Variants in NCAM2 observed in about 807,000 individuals in gnomAD.
NCAM2 encodes neural cell adhesion molecule 2.
NCAM2 carries 30 observed loss-of-function variants against 98.1 expected under a neutral mutation model. That is an observed-to-expected ratio of 0.31 (90% CI 0.23 to 0.41). The LOEUF is 0.41. NCAM2 is among the 10% of genes least tolerant of loss of function. NCAM2 has a pLI of 1.00. For missense variants in NCAM2, 867 were observed against 1,005.8 expected (o/e 0.86, Z 1.87); for synonymous variants, 368 against 342.4 (o/e 1.07, Z -0.83).
At chr21:21,508,749 A>T in intron 15 of NCAM2, 102 bp from the exon 16 acceptor site, 1 of 872,706 alleles carries the variant, frequency 1.1e-6, no homozygotes, top group Non-Finnish European at 1.6e-6. Flanking sequence ...ATTGGAAAAG[A>T]TTTATTTTTA....
chr21:21,114,193 A>G (rs2066508532), intron 1 of NCAM2, among the ~76,000 whole-genome samples: 1 of 152,190 alleles, frequency 6.6e-6, no homozygotes. Context: ...ATATCCTGAT[A>G]TATCACACAA....
intron 9 of NCAM2, among the ~76,000 whole-genome samples, chr21:21,384,331 C>T (rs2076218232): frequency 6.6e-6 from 1 of 151,414 alleles, no homozygotes; most frequent in African/African-American, 2.4e-5. Flanking sequence ...CTAACCTATG[C>T]TTGATGAATG....
chr21:21,483,796 T>C (rs1986107442), intron 15 of NCAM2, among the ~76,000 whole-genome samples: 1 of 152,084 alleles, frequency 6.6e-6, no homozygotes, highest in South Asian at 2.1e-4. Flanking sequence ...AATCTTTGGT[T>C]CCTAAAATTG....
At chr21:21,217,682 C>T (rs1265434989) in intron 1 of NCAM2, among the ~76,000 whole-genome samples, 2 of 151,870 alleles carry the variant, frequency 1.3e-5, no homozygotes, top group African/African-American at 2.4e-5. Context: ...CTGGATTATC[C>T]AGGTGGATCC....
intron 1 of NCAM2, among the ~76,000 whole-genome samples, chr21:21,114,467 C>T (rs929991326): frequency 2.0e-5 from 3 of 152,152 alleles, no homozygotes; most frequent in African/African-American, 7.2e-5. Context: ...AATAGACCTC[C>T]TGGGATATAC....
intron 1 of NCAM2, among the ~76,000 whole-genome samples, chr21:21,264,928 CAT>C (rs1310401596): frequency 6.6e-4 from 62 of 94,312 alleles, no homozygotes; most frequent in East Asian, 3.3e-3. Context: ...TAGATATACA[CAT>C]ATATATGTGT....
intron 8 of NCAM2, among the ~76,000 whole-genome samples, chr21:21,344,820 G>A (rs1255488520): frequency 1.3e-5 from 2 of 152,244 alleles, no homozygotes; most frequent in Non-Finnish European, 2.9e-5. Flanking sequence ...ACAGGCCTTA[G>A]GTGAGACTCT....
At chr21:21,327,121 G>T (rs1319138096) in intron 6 of NCAM2, among the ~76,000 whole-genome samples, 2 of 152,106 alleles carry the variant, frequency 1.3e-5, no homozygotes, top group African/African-American at 2.4e-5. Flanking sequence ...CTCCCAAAGT[G>T]CTGGGATTAC....
At chr21:21,337,761 G>T (rs750374437) in intron 7 of NCAM2, among the ~76,000 whole-genome samples, 1 of 151,730 alleles carries the variant, frequency 6.6e-6, no homozygotes, top group African/African-American at 2.4e-5. Context: ...AATTAGTTAC[G>T]TTGTCTAGTA....
intron 1 of NCAM2, among the ~76,000 whole-genome samples, chr21:21,085,391 C>T (rs1375482555): frequency 6.6e-6 from 1 of 152,148 alleles, no homozygotes; most frequent in East Asian, 1.9e-4. Flanking sequence ...GCCCTCTGCA[C>T]ATCTGCTCCG....
At chr21:21,533,130 C>A (rs1414105669) in intron 16 of NCAM2, among the ~76,000 whole-genome samples, 1 of 138,972 alleles carries the variant, frequency 7.2e-6, no homozygotes, top group Non-Finnish European at 1.6e-5. Context: ...AGAGTCTGTT[C>A]AATCTTTGGA....
intron 1 of NCAM2, among the ~76,000 whole-genome samples, chr21:21,187,853 C>T (rs183899277): frequency 2.6e-4 from 39 of 152,212 alleles, no homozygotes; most frequent in Admixed American, 1.8e-3. Context: ...GAAATTATGT[C>T]GTCAGGGTCA....
chr21:21,234,522 G>C (rs1180435035), intron 1 of NCAM2, among the ~76,000 whole-genome samples: 1 of 151,932 alleles, frequency 6.6e-6, no homozygotes, highest in Non-Finnish European at 1.5e-5. Flanking sequence ...AGAGAGTGTT[G>C]AAGTATCGAT....
At chr21:21,323,598 T>G (rs2147791956) in intron 5 of NCAM2, among the ~76,000 whole-genome samples, 1 of 152,310 alleles carries the variant, frequency 6.6e-6, no homozygotes, top group East Asian at 1.9e-4. Context: ...GAAATTTAGC[T>G]TCTATTGTGG....
intron 15 of NCAM2, among the ~76,000 whole-genome samples, chr21:21,497,259 G>T (rs1019888594): frequency 1.3e-5 from 2 of 152,040 alleles, no homozygotes; most frequent in South Asian, 2.1e-4. Flanking sequence ...CTGTGTGCTC[G>T]CTATCAGGGT....
At chr21:21,339,870 T>C (rs759484941) in intron 8 of NCAM2, among the ~76,000 whole-genome samples, 1 of 151,786 alleles carries the variant, frequency 6.6e-6, no homozygotes, top group East Asian at 1.9e-4. Context: ...CTCCTCATAA[T>C]GGCATTTTAA....
At chr21:21,478,600 GTAAT>G (rs1985461512) in intron 15 of NCAM2, among the ~76,000 whole-genome samples, 3 of 151,862 alleles carry the variant, frequency 2.0e-5, no homozygotes, top group Admixed American at 2.0e-4. Context: ...GGTTTAAAAA[GTAAT>G]TGATATTAGA....
intron 1 of NCAM2, among the ~76,000 whole-genome samples, chr21:21,152,818 A>G (rs751374324): frequency 6.6e-6 from 1 of 151,700 alleles, no homozygotes; most frequent in Non-Finnish European, 1.5e-5. Context: ...TCAACTACAG[A>G]CTCAATGGGA....
intron 1 of NCAM2, among the ~76,000 whole-genome samples, chr21:21,155,771 C>G (rs138596478): frequency 4.6e-5 from 7 of 151,934 alleles, no homozygotes; most frequent in African/African-American, 1.7e-4. Context: ...TGTATTTTTA[C>G]AAATTAAATG....
Sources: gnomAD v4.1 joint callset for allele counts (sites outside exome capture counted in the v4.1 genomes callset) on GRCh38, gnomAD v4.1.1 for gene constraint, MANE v1.5 for transcripts, NCBI Gene and HGNC (gene_info 2026-07-23, HGNC 2026-07-21) for gene names.